Variants in PCDH15 observed in about 807,000 individuals in gnomAD.
PCDH15 encodes protocadherin-15.
In PCDH15, 129 loss-of-function variants were observed where a neutral mutation model predicts 178.5. That is an observed-to-expected ratio of 0.72 (90% CI 0.63 to 0.84). The LOEUF (loss-of-function observed/expected upper bound fraction) is 0.84, where lower values mean the gene tolerates loss of function less well. Among genes scored for constraint, PCDH15 ranks in the 40% least tolerant of loss-of-function variants. The pLI is 0.00. For missense variants in PCDH15, 2,230 were observed against 2,099.9 expected (o/e 1.06, Z -1.21); for synonymous variants, 800 against 732.0 (o/e 1.09, Z -1.50).
chr10:54,120,044 A>G (rs1456459737), intron 15 of PCDH15, among the ~76,000 whole-genome samples: 1 of 152,136 alleles, frequency 6.6e-6, no homozygotes, highest in Non-Finnish European at 1.5e-5. Context: ...TACAAAGGTA[A>G]CCCCATCAGG....
chr10:54,268,510 T>C (rs996479031), intron 8 of PCDH15, among the ~76,000 whole-genome samples: 2 of 151,894 alleles, frequency 1.3e-5, no homozygotes, highest in African/African-American at 4.8e-5. Context: ...GGAATCAACA[T>C]TGGTTTCCAA....
At chr10:55,613,980 G>T (rs1010256789) in intron 2 of PCDH15, among the ~76,000 whole-genome samples, 1 of 152,030 alleles carries the variant, frequency 6.6e-6, no homozygotes, top group South Asian at 2.1e-4. Flanking sequence ...CGGGCATGGT[G>T]GTGGGTGCCT....
intron 21 of PCDH15, among the ~76,000 whole-genome samples, chr10:53,973,722 C>A (rs1028702132): frequency 6.6e-6 from 1 of 152,016 alleles, no homozygotes; most frequent in Non-Finnish European, 1.5e-5. Context: ...TAGACCACAG[C>A]ATTTAAATAG....
At chr10:55,467,682 G>A (rs149237349) in intron 2 of PCDH15, among the ~76,000 whole-genome samples, 16 of 151,898 alleles carry the variant, frequency 1.1e-4, no homozygotes, top group African/African-American at 3.9e-4. Flanking sequence ...AATTAAAAGT[G>A]AGGCTGGGCG....
chr10:55,041,390 A>G (rs1289943259), intron 2 of PCDH15, among the ~76,000 whole-genome samples: 1 of 152,158 alleles, frequency 6.6e-6, no homozygotes, highest in Non-Finnish European at 1.5e-5. Flanking sequence ...TATGAATCAT[A>G]TAGGGAATCA....
chr10:55,070,600 G>A (rs184188697), intron 2 of PCDH15, among the ~76,000 whole-genome samples: 1,938 of 152,118 alleles, frequency 0.013, 39 homozygotes, highest in African/African-American at 0.043. Flanking sequence ...GATACGTGGC[G>A]TTATTTCTGA....
At chr10:53,953,369 T>C (rs761919794) in intron 23 of PCDH15, among the ~76,000 whole-genome samples, 2 of 152,162 alleles carry the variant, frequency 1.3e-5, no homozygotes, top group African/African-American at 4.8e-5. Context: ...ATTAACAAAA[T>C]GAGTCTGTTT....
At chr10:54,804,187 C>G (rs201835131), upstream of PCDH15, among the ~76,000 whole-genome samples, 1 of 152,036 alleles carries the variant, frequency 6.6e-6, no homozygotes, top group Non-Finnish European at 1.5e-5. Context: ...CTACAGGCGC[C>G]CACCACCACG....
chr10:53,924,504 C>T (rs1472551079), intron 25 of PCDH15, among the ~76,000 whole-genome samples: 5 of 150,702 alleles, frequency 3.3e-5, no homozygotes, highest in South Asian at 2.1e-4. Context: ...CCCCAACGAG[C>T]ACCACCCCCT....
At chr10:55,267,999 C>A (rs1256334958) in intron 1 of PCDH15, among the ~76,000 whole-genome samples, 1 of 152,154 alleles carries the variant, frequency 6.6e-6, no homozygotes, top group Non-Finnish European at 1.5e-5. Context: ...GATTATGGAA[C>A]AACTGAATAA....
chr10:54,083,245 C>T (rs769751884), intron 16 of PCDH15, among the ~76,000 whole-genome samples: 4 of 152,120 alleles, frequency 2.6e-5, no homozygotes, highest in Non-Finnish European at 5.9e-5. Flanking sequence ...GTTAAAAACA[C>T]ATAATTACAC....
chr10:55,242,692 G>GA (rs200383288), intron 1 of PCDH15, among the ~76,000 whole-genome samples: 14 of 146,064 alleles, frequency 9.6e-5, no homozygotes, highest in African/African-American at 2.0e-4. Context: ...AAATACAAAA[G>GA]AAAAAAAAAG....
intron 14 of PCDH15, among the ~76,000 whole-genome samples, chr10:54,134,851 T>C (rs961447298): frequency 2.4e-4 from 37 of 152,118 alleles, no homozygotes; most frequent in African/African-American, 8.7e-4. Context: ...AAGTTGTTTC[T>C]GAGCATATCA....
At chr10:54,567,962 T>G (rs1465217982) in intron 2 of PCDH15, among the ~76,000 whole-genome samples, 1 of 152,126 alleles carries the variant, frequency 6.6e-6, no homozygotes, top group East Asian at 1.9e-4. Flanking sequence ...CTTGTAAAAA[T>G]TATTTCTGCT....
intron 2 of PCDH15, among the ~76,000 whole-genome samples, chr10:55,569,593 A>G (rs1842368122): frequency 6.6e-6 from 1 of 151,912 alleles, no homozygotes; most frequent in Non-Finnish European, 1.5e-5. Flanking sequence ...AAAAAACCAG[A>G]AACAATAATT....
intron 2 of PCDH15, among the ~76,000 whole-genome samples, chr10:55,359,248 T>C (rs996050117): frequency 2.0e-5 from 3 of 151,936 alleles, no homozygotes; most frequent in South Asian, 4.1e-4. Context: ...ACAAGTATAC[T>C]AAAATCCCCT....
intron 2 of PCDH15, among the ~76,000 whole-genome samples, chr10:55,064,272 G>C (rs1414669006): frequency 6.6e-6 from 1 of 152,032 alleles, no homozygotes; most frequent in Non-Finnish European, 1.5e-5. Flanking sequence ...ACTGCTACTT[G>C]TGTAAATGAC....
At chr10:55,181,743 T>C (rs1030066844) in intron 1 of PCDH15, among the ~76,000 whole-genome samples, 1 of 151,868 alleles carries the variant, frequency 6.6e-6, no homozygotes, top group African/African-American at 2.4e-5. Flanking sequence ...CCTAATGAGA[T>C]GTAGATTAAA....
At chr10:55,568,862 C>A (rs551497026) in intron 2 of PCDH15, among the ~76,000 whole-genome samples, 136 of 152,104 alleles carry the variant, frequency 8.9e-4, no homozygotes, top group African/African-American at 3.1e-3. Flanking sequence ...GGTCTTAAAG[C>A]CATGTCCTCG....
Sources: allele counts gnomAD v4.1 joint callset (sites outside exome capture counted in the v4.1 genomes callset), GRCh38; gene constraint gnomAD v4.1.1; transcripts MANE v1.5; gene names NCBI Gene and HGNC (gene_info 2026-07-23, HGNC 2026-07-21).